TGIF1: variants seen among roughly 807,000 people sequenced by gnomAD.
TGIF1 encodes the protein homeobox protein TGIF1.
Under a neutral mutation model 19.3 loss-of-function variants are expected in TGIF1, and 4 were observed. That is an observed-to-expected ratio of 0.21 (90% CI 0.10 to 0.47). The LOEUF is 0.47. Ranked by LOEUF, TGIF1 falls within the 20% of genes least tolerant of loss-of-function variation. The probability of loss-of-function intolerance (pLI) is 0.98; values close to 1 mark genes in which losing one functional copy is unlikely to be tolerated. For missense variants in TGIF1, 275 were observed against 341.4 expected (o/e 0.81, Z 1.53); for synonymous variants, 122 against 129.3 (o/e 0.94, Z 0.38).
At chr18:3,454,602 A>G (rs966944360) in intron 1 of TGIF1, among the ~76,000 whole-genome samples, 36 of 152,234 alleles carry the variant, frequency 2.4e-4, no homozygotes, top group Non-Finnish European at 1.8e-4. Context: ...CCAAATTTCA[A>G]TATAGGTTTT....
At chr18:3,427,899 C>A (rs2082494347) in intron 2 of TGIF1, among the ~76,000 whole-genome samples, 1 of 152,230 alleles carries the variant, frequency 6.6e-6, no homozygotes, top group Non-Finnish European at 1.5e-5. Flanking sequence ...CACACCCGGC[C>A]TCAGAATATA....
upstream of TGIF1, chr18:3,449,480 C>T (rs2082828772): frequency 1.0e-6 from 1 of 985,370 alleles, no homozygotes; most frequent in Non-Finnish European, 1.2e-6. Context: ...CAATCCAGTC[C>T]GGAACTCGCA....
chr18:3,450,012 G>C (rs560476689), upstream of TGIF1: 396 of 990,336 alleles, frequency 4.0e-4, 7 homozygotes, highest in Admixed American at 0.023. Context: ...CCGCACCGCC[G>C]CCCCCGAGGG....
At chr18:3,432,761 G>T (rs1007804448) in intron 2 of TGIF1, among the ~76,000 whole-genome samples, 15 of 151,166 alleles carry the variant, frequency 9.9e-5, no homozygotes, top group Admixed American at 8.6e-4. Flanking sequence ...TTCTTTTTTT[G>T]TTTGTTTTTT....
intron 1 of TGIF1, among the ~76,000 whole-genome samples, chr18:3,454,111 A>G (rs2083086433): frequency 6.6e-6 from 1 of 152,190 alleles, no homozygotes; most frequent in Non-Finnish European, 1.5e-5. Context: ...CATATTGGAA[A>G]TATTTGTTAA....
upstream of TGIF1, chr18:3,448,471 G>T (rs932372157): frequency 6.1e-6 from 6 of 990,522 alleles, no homozygotes; most frequent in Non-Finnish European, 7.2e-6. Context: ...CTGTGCTCCC[G>T]GCAGTTGCAG....
intron 2 of TGIF1, among the ~76,000 whole-genome samples, chr18:3,427,895 C>T (rs770175513): frequency 5.9e-5 from 9 of 152,174 alleles, no homozygotes; most frequent in East Asian, 1.9e-4. Flanking sequence ...CCACCACACC[C>T]GGCCTCAGAA....
rs56864804 is a variant in TGIF1, at chr18:3,438,596, A to AACACACACACACACACACACACACACAC, written c.-44-17753_-44-17726dup. On this transcript the variant is annotated intron_variant, in intron 2 of 3. Transcript: ENST00000401449. ...CCATTCCCATCATTTCATACACACA[A>AACACACACACACACACACACACACACAC]ACACACACACACACACACACACACA... 1.2e-3 allele frequency among the ~76,000 whole-genome samples: 168 copies of AACACACACACACACACACACACACACAC among 136,078 alleles called. 4 individuals carry two copies. The highest frequency in any genetic ancestry group is 1.9e-3 in the Non-Finnish European group (124 of 64,170). 89.3% of individuals were successfully genotyped at this position (136,078 alleles called of 152,430 possible). A position where few individuals can be genotyped will look rare whatever the true frequency, so the allele number is the denominator to read the frequency against.
At chr18:3,421,107 G>A (rs927493207) in intron 2 of TGIF1, among the ~76,000 whole-genome samples, 1 of 152,002 alleles carries the variant, frequency 6.6e-6, no homozygotes, top group Non-Finnish European at 1.5e-5. Flanking sequence ...TAACTTTGTG[G>A]TGCAACACAT....
At chr18:3,450,041 C>G (rs964459615), upstream of TGIF1, 6 of 993,786 alleles carry the variant, frequency 6.0e-6, no homozygotes, top group Non-Finnish European at 6.0e-6. Flanking sequence ...CAGCGGCCGC[C>G]GCGCTCGGTC....
chr18:3,445,765 C>CA (rs755240649), upstream of TGIF1, among the ~76,000 whole-genome samples: 306 of 35,824 alleles, frequency 8.5e-3, 36 homozygotes, highest in African/African-American at 0.025. Context: ...AGAAGAAAAG[C>CA]AAAAAAAAAA....
At chr18:3,448,232 T>G (rs2082784077), upstream of TGIF1, 1 of 984,452 alleles carries the variant, frequency 1.0e-6, no homozygotes, top group African/African-American at 1.8e-5. Context: ...GGCCGCGGAG[T>G]CGCAGCGTCG....
chr18:3,457,465 C>T lies in TGIF1; in HGVS notation c.344C>T (p.Ala115Val). The T allele has an allele frequency of 1.2e-6, 2 of 1,614,208 alleles. No homozygotes were observed. The highest frequency in any genetic ancestry group is 2.7e-5 in the African/African-American group (2 of 75,054). ...CAGTTCACAATTTCCCGCCGTGGGG[C>T]CAAGATTTCTGAAACGAGCTCTGTG... is the stretch of plus-strand genomic sequence containing the variant. ...PNQFTISRRGAKISETSSVES... is the reference protein window; with the variant it reads ...PNQFTISRRGVKISETSSVES... The change falls in exon 3 of 3, where the codon GCC becomes GTC. Residue 115 changes from alanine (A) to valine (V), a missense_variant. By Grantham distance (64) the Ala-to-Val change is moderately conservative. Transcript: ENST00000343820. This position sits in a 1 kb window ranked among gnomAD's most constrained non-coding sequence, Gnocchi z 4.9.
At chr18:3,425,886 A>T (rs1482252121) in intron 2 of TGIF1, among the ~76,000 whole-genome samples, 1 of 152,052 alleles carries the variant, frequency 6.6e-6, no homozygotes, top group Non-Finnish European at 1.5e-5. Flanking sequence ...AGGACATCCA[A>T]CTGGTGTGTG....
chr18:3,426,127 A>T (rs930467483), intron 2 of TGIF1, among the ~76,000 whole-genome samples: 2 of 147,502 alleles, frequency 1.4e-5, no homozygotes, highest in Non-Finnish European at 3.0e-5. Context: ...ACACACTAAG[A>T]CTTTAGCCCT....
rs143523808 is a variant in TGIF1 at position 3,423,868 on chromosome 18, C to CA, written c.-45+5660dup. Reference sequence around the variant, plus strand: ...GTGCTCTGTCTCAAAAACAACAAAACAAAAAAAGGCACACCTGCCCTCGTT... The same window carrying CA: ...GTGCTCTGTCTCAAAAACAACAAAACAAAAAAAAGGCACACCTGCCCTCGTT... On this transcript the variant is annotated intron_variant, in intron 2 of 3. Transcript: ENST00000401449. Among the ~76,000 whole-genome samples, 569 of 151,850 alleles carry CA rather than the reference C, an allele frequency of 3.7e-3. 7 individuals are homozygous for CA. The highest frequency in any genetic ancestry group is 0.013 in the African/African-American group (530 of 41,428).
At chr18:3,420,915 T>C (rs1318953926) in intron 2 of TGIF1, among the ~76,000 whole-genome samples, 5 of 152,216 alleles carry the variant, frequency 3.3e-5, no homozygotes, top group Non-Finnish European at 7.3e-5. Flanking sequence ...GGAATACATT[T>C]CCTCACAGGA....
At chr18:3,453,428 TG>T (rs1239849728) in intron 1 of TGIF1, among the ~76,000 whole-genome samples, 9 of 152,076 alleles carry the variant, frequency 5.9e-5, no homozygotes, top group Admixed American at 6.5e-5. Flanking sequence ...GGTTCACGCC[TG>T]TAATCCCAGC....
intron 2 of TGIF1, among the ~76,000 whole-genome samples, chr18:3,438,515 T>C (rs78963249): frequency 6.6e-6 from 1 of 151,474 alleles, no homozygotes; most frequent in Admixed American, 6.6e-5. Context: ...CTGTGCTGGC[T>C]AAAAACAGCT....
Sources: gnomAD v4.1 joint callset for allele counts (sites outside exome capture counted in the v4.1 genomes callset) on GRCh38, gnomAD v4.1.1 for gene constraint, Gnocchi (gnomAD v3.1) non-coding constraint, MANE v1.5 for transcripts, NCBI Gene and HGNC (gene_info 2026-07-23, HGNC 2026-07-21) for gene names.